TGIF1: variants seen among roughly 807,000 people sequenced by gnomAD.
TGIF1 encodes TGFB induced factor homeobox 1.
A neutral mutation model predicts 19.3 loss-of-function variants in TGIF1; 4 were observed. The ratio of observed to expected loss-of-function variants is 0.21; its 90% CI spans 0.10 to 0.47. The LOEUF (loss-of-function observed/expected upper bound fraction) is 0.47. Ranked by LOEUF, TGIF1 falls within the 20% of genes least tolerant of loss-of-function variation. The pLI, the probability that TGIF1 is intolerant of heterozygous loss-of-function variation, is 0.98. For missense variants in TGIF1, 275 were observed against 341.4 expected, an observed-to-expected ratio of 0.81 and a Z score of 1.53; for synonymous variants, 122 against 129.3, an observed-to-expected ratio of 0.94 and a Z score of 0.38.
At chr18:3,442,753 A>C (rs1244403230) in intron 2 of TGIF1, among the ~76,000 whole-genome samples, 1 of 152,138 alleles carries the variant, frequency 6.6e-6, no homozygotes. Flanking sequence ...ATCTTTAAAA[A>C]ATAATGTTAT....
intron 2 of TGIF1, among the ~76,000 whole-genome samples, chr18:3,426,161 G>T (rs1018636959): frequency 7.1e-6 from 1 of 140,794 alleles, no homozygotes; most frequent in Non-Finnish European, 1.5e-5. Flanking sequence ...GTTCTGGCTA[G>T]GGTCCTTTTT....
intron 2 of TGIF1, among the ~76,000 whole-genome samples, chr18:3,441,642 G>A (rs2082678318): frequency 6.6e-6 from 1 of 152,270 alleles, no homozygotes; most frequent in South Asian, 2.1e-4. Context: ...ATATACATAG[G>A]TGCATTTTAA....
In TGIF1 at chr18:3,451,817, G is replaced by A; in HGVS notation, c.16+1312G>A. On this transcript the variant is annotated intron_variant, in intron 1 of 2. Coordinates refer to ENST00000343820, the MANE Select transcript of TGIF1 (RefSeq NM_003244.4). The surrounding 1 kb of genome is among the most constrained non-coding windows in gnomAD (Gnocchi z 5.4). ...ACCCCTCCCCGCGGGACGGAGGGAG[G>A]ACTCGGGACAGGGAATTGGCCCTGG... 1.5e-6 allele frequency: 2 copies of A among 1,312,964 alleles called. No individual in the cohort carries two copies. Among genetic ancestry groups the A allele is most frequent in the Non-Finnish European group, 1.9e-6 (2 of 1,030,424 alleles). The allele number at this position is 1,312,964 out of a possible 1,614,324, so 81.3% of individuals were successfully genotyped here. A position where few individuals can be genotyped will look rare whatever the true frequency, so the allele number is the denominator to read the frequency against.
At chr18:3,450,903 G>GCGTTTT (rs2082897895) in intron 1 of TGIF1, among the ~76,000 whole-genome samples, 1 of 151,978 alleles carries the variant, frequency 6.6e-6, no homozygotes, top group Non-Finnish European at 1.5e-5. Flanking sequence ...TCCCGATCCG[G>GCGTTTT]ACCCAGGCGG....
upstream of TGIF1, chr18:3,449,781 C>CT (rs2082841636): frequency 1.0e-6 from 1 of 985,422 alleles, no homozygotes; most frequent in African/African-American, 1.7e-5. Context: ...GACGGGGAGG[C>CT]TTTTCTTCCC....
In TGIF1 at chr18:3,457,198, C is replaced by T; in HGVS notation, c.244-167C>T. The T allele has an allele frequency of 1.2e-6, 1 of 813,284 alleles. No individual in the cohort carries two copies. Among genetic ancestry groups the T allele is most frequent in the Non-Finnish European group, 2.0e-6 (1 of 509,832 alleles). The allele number at this position is 813,284 out of a possible 1,614,324, so 50.4% of individuals were successfully genotyped here. A position where few individuals can be genotyped will look rare whatever the true frequency, so the allele number is the denominator to read the frequency against. Reference sequence around the variant, plus strand: ...CTTATGACAGGTGGTAGCTTGCTTTCTTGGCGGAGCTCAGATACCTTGAAA... The same window carrying T: ...CTTATGACAGGTGGTAGCTTGCTTTTTTGGCGGAGCTCAGATACCTTGAAA... On this transcript the variant is annotated intron_variant, in intron 2 of 2. Coordinates refer to ENST00000343820, the MANE Select transcript of TGIF1 (RefSeq NM_003244.4). This position sits in a 1 kb window ranked among gnomAD's most constrained non-coding sequence, Gnocchi z 4.9.
rs910924042 is a variant in TGIF1 at position 3,438,084 on chromosome 18, CA to C, written c.-44-18259del. Among the ~76,000 whole-genome samples the C allele has an allele frequency of 8.0e-3, 1,108 of 138,228 alleles. 9 individuals carry two copies. The highest frequency in any genetic ancestry group is 0.027 in the African/African-American group (1,035 of 37,798). 90.7% of individuals were successfully genotyped at this position (138,228 alleles called of 152,430 possible). A position where few individuals can be genotyped will look rare whatever the true frequency, so the allele number is the denominator to read the frequency against. ...GGGTGACAAGAGCGAAAGTCCGTCT[CA>C]AAAAAAAAAAGTGACAAGTGACTAA... On this transcript the variant is annotated intron_variant, in intron 2 of 3. Transcript: ENST00000401449.
rs2143408078 is a variant in TGIF1 at position 3,456,593 on chromosome 18, A to G, written c.243+13A>G. On this transcript the variant is annotated intron_variant, in intron 2 of 2. Transcript: ENST00000343820. This position sits in a 1 kb window ranked among gnomAD's most constrained non-coding sequence, Gnocchi z 4.2. ...GTCTACGCTACAGGTAAAGAAAGAGAGCGTGAGGTTTATGGATGCATTTTT... is the reference window on the plus strand; with the variant it reads ...GTCTACGCTACAGGTAAAGAAAGAGGGCGTGAGGTTTATGGATGCATTTTT... The G allele has an allele frequency of 1.9e-6, 3 of 1,612,568 alleles. No individual in the cohort carries two copies. The Middle Eastern group carries it at 5.0e-4, about 266-fold the overall frequency.
chr18:3,458,260 T>TA lies in TGIF1; in HGVS notation c.*321dup, dbSNP rs2049427928. 1 of 322,744 alleles carries TA rather than the reference T, an allele frequency of 3.1e-6. No individual in the cohort carries two copies. Among genetic ancestry groups the TA allele is most frequent in the Non-Finnish European group, 5.7e-6 (1 of 174,086 alleles). 20.0% of individuals were successfully genotyped at this position (322,744 alleles called of 1,614,324 possible). On this transcript the variant is annotated 3_prime_UTR_variant, in exon 3 of 3. Coordinates refer to ENST00000343820, the MANE Select transcript of TGIF1 (RefSeq NM_003244.4). ...TTATTTTTTCAGACTGTGCAATACT[T>TA]AGAGAACCTATAGCATCTTCTCATT... is the stretch of plus-strand genomic sequence containing the variant.
Position 3,458,335 on chromosome 18 carries a change from T to C in TGIF1, c.*395T>C, listed in dbSNP as rs2049430032. On this transcript the variant is annotated 3_prime_UTR_variant, in exon 3 of 3. Transcript: ENST00000343820. ...TACTGTCTAATTAATAAATTTTCCA[T>C]TTTTTTTCAAACAAGTATGAATCTA... 1 of 169,594 alleles carries C rather than the reference T, an allele frequency of 5.9e-6. No homozygotes were observed. The highest frequency in any genetic ancestry group is 1.3e-5 in the Non-Finnish European group (1 of 78,674). The allele number at this position is 169,594 out of a possible 1,614,324, so 10.5% of individuals were successfully genotyped here.
chr18:3,425,370 A>G (rs1241599200), intron 2 of TGIF1, among the ~76,000 whole-genome samples: 1 of 152,228 alleles, frequency 6.6e-6, no homozygotes, highest in Non-Finnish European at 1.5e-5. Context: ...AAAACTGATG[A>G]ACATCATGAA....
At chr18:3,449,661 GTTC>G, upstream of TGIF1, 1 of 985,450 alleles carries the variant, frequency 1.0e-6, no homozygotes, top group South Asian at 4.7e-5. Flanking sequence ...GAAGAAGTTG[GTTC>G]TTGTCTCGAA....
At chr18:3,434,114 G>C (rs1165387122) in intron 2 of TGIF1, among the ~76,000 whole-genome samples, 1 of 152,182 alleles carries the variant, frequency 6.6e-6, no homozygotes, top group Non-Finnish European at 1.5e-5. Flanking sequence ...TATGGGCCAG[G>C]TGCGCTGGCT....
chr18:3,429,228 G>A (rs150044459), intron 2 of TGIF1, among the ~76,000 whole-genome samples: 142 of 152,088 alleles, frequency 9.3e-4, no homozygotes, highest in African/African-American at 3.2e-3. Context: ...AGCTAATTTT[G>A]TAATTTTTTT....
chr18:3,437,603 G>A (rs1183254406), intron 2 of TGIF1, among the ~76,000 whole-genome samples: 9 of 152,254 alleles, frequency 5.9e-5, no homozygotes, highest in Admixed American at 1.3e-4. Flanking sequence ...AGCAATTTTC[G>A]TATGAAAAAC....
At chr18:3,420,446 C>T (rs1417696696) in intron 2 of TGIF1, among the ~76,000 whole-genome samples, 1 of 151,746 alleles carries the variant, frequency 6.6e-6, no homozygotes, top group Non-Finnish European at 1.5e-5. Flanking sequence ...AAAAAGGAAA[C>T]AAAGAATAAG....
upstream of TGIF1, chr18:3,448,689 C>T: frequency 1.1e-6 from 1 of 885,136 alleles, no homozygotes; most frequent in Non-Finnish European, 1.3e-6. Context: ...TAAACTCTGG[C>T]CTCCACGCAT....
chr18:3,455,975 G>A (rs757779927), intron 1 of TGIF1: 1 of 343,958 alleles, frequency 2.9e-6, no homozygotes, highest in Non-Finnish European at 5.6e-6. Context: ...AAAGAAGGTT[G>A]GTAGGCATAT....
intron 2 of TGIF1, among the ~76,000 whole-genome samples, chr18:3,421,472 G>T (rs1467599135): frequency 6.6e-6 from 1 of 150,786 alleles, no homozygotes; most frequent in Admixed American, 6.7e-5. Context: ...GAGTGCAATG[G>T]CTTGATCTTG....
Sources: allele counts gnomAD v4.1 joint callset (sites outside exome capture counted in the v4.1 genomes callset), GRCh38; gene constraint gnomAD v4.1.1; non-coding constraint Gnocchi (gnomAD v3.1); transcripts MANE v1.5; gene names NCBI Gene and HGNC (gene_info 2026-07-23, HGNC 2026-07-21).